ATP8B4: variants seen among roughly 807,000 people sequenced by gnomAD.
The protein encoded by ATP8B4 is probable phospholipid-transporting ATPase IM.
In ATP8B4, 133 loss-of-function variants were observed where a neutral mutation model predicts 145.6. The observed-to-expected ratio is 0.91, with a 90% CI of 0.79 to 1.05. The LOEUF is 1.05. Among genes scored for constraint, ATP8B4 ranks in the 50% least tolerant of loss-of-function variants. The probability of loss-of-function intolerance (pLI) is 0.00; values close to 1 mark genes in which losing one functional copy is unlikely to be tolerated. For missense variants in ATP8B4, 1,458 were observed against 1,425.2 expected, an observed-to-expected ratio of 1.02 and a Z score of -0.37; for synonymous variants, 507 against 492.9, an observed-to-expected ratio of 1.03 and a Z score of -0.38.
At chr15:49,949,476 T>C (rs1350133970) in intron 14 of ATP8B4, among the ~76,000 whole-genome samples, 1 of 152,138 alleles carries the variant, frequency 6.6e-6, no homozygotes, top group African/African-American at 2.4e-5. Context: ...GCTTGCCTAT[T>C]GTTGGTGTAA....
chr15:49,859,590 T>C lies in ATP8B4; in HGVS notation c.*604A>G, dbSNP rs1460257450. On this transcript the variant is annotated 3_prime_UTR_variant, in exon 28 of 28. Transcript: ENST00000284509. ...TCAGTCTCCTTTGTCCCTAGACTGG[T>C]ATAAAAATGAGAAACACAAGCACAC... 1 of 152,308 alleles carries C rather than the reference T, an allele frequency of 6.6e-6. No homozygotes were observed. The highest frequency in any genetic ancestry group is 1.5e-5 in the Non-Finnish European group (1 of 68,134). 9.4% of individuals were successfully genotyped at this position (152,308 alleles called of 1,614,324 possible). A position where few individuals can be genotyped will look rare whatever the true frequency, so the allele number is the denominator to read the frequency against.
At chr15:50,047,897 G>T (rs910150893) in intron 3 of ATP8B4, among the ~76,000 whole-genome samples, 1 of 152,198 alleles carries the variant, frequency 6.6e-6, no homozygotes, top group Non-Finnish European at 1.5e-5. Context: ...TGTCTTAGAA[G>T]ATCTCCTGGG....
At chr15:49,889,928 C>T (rs2036610583) in intron 23 of ATP8B4, among the ~76,000 whole-genome samples, 1 of 152,262 alleles carries the variant, frequency 6.6e-6, no homozygotes, top group South Asian at 2.1e-4. Flanking sequence ...AATATTTAGG[C>T]GCTTATGAAT....
intron 1 of ATP8B4, among the ~76,000 whole-genome samples, chr15:50,165,073 G>GC (rs1214414463): frequency 2.7e-5 from 4 of 150,700 alleles, no homozygotes; most frequent in Admixed American, 2.6e-4. Flanking sequence ...TTGGGGAGAT[G>GC]GAGTCTCGCT....
intron 23 of ATP8B4, among the ~76,000 whole-genome samples, chr15:49,886,347 C>T (rs546781685): frequency 1.7e-4 from 26 of 151,932 alleles, no homozygotes; most frequent in South Asian, 4.2e-4. Flanking sequence ...GTAAATGCCA[C>T]GACAGCACCT....
intron 1 of ATP8B4, among the ~76,000 whole-genome samples, chr15:50,148,318 G>A (rs960657536): frequency 6.6e-6 from 1 of 152,108 alleles, no homozygotes. Context: ...AATATTAAAT[G>A]CAATCTGTAA....
intron 2 of ATP8B4, among the ~76,000 whole-genome samples, chr15:50,078,964 C>T (rs2054365269): frequency 6.6e-6 from 1 of 152,092 alleles, no homozygotes; most frequent in South Asian, 2.1e-4. Flanking sequence ...AGACAACGAC[C>T]ATCTACAAAA....
chr15:50,155,145 A>G (rs1383213863), intron 1 of ATP8B4, among the ~76,000 whole-genome samples: 1 of 152,146 alleles, frequency 6.6e-6, no homozygotes, highest in Middle Eastern at 3.2e-3. Flanking sequence ...TGTCCACCTA[A>G]GTAAGAACCT....
At chr15:50,022,623 T>C (rs1244902839) in intron 6 of ATP8B4, among the ~76,000 whole-genome samples, 1 of 152,082 alleles carries the variant, frequency 6.6e-6, no homozygotes, top group African/African-American at 2.4e-5. Context: ...AGGATTAGAG[T>C]GTAAGCAGGA....
intron 7 of ATP8B4, among the ~76,000 whole-genome samples, chr15:50,004,602 T>C (rs1178810430): frequency 1.3e-5 from 2 of 152,208 alleles, no homozygotes; most frequent in Non-Finnish European, 2.9e-5. Context: ...TTACTATGTG[T>C]CCAGCACCAT....
chr15:49,866,588 A>C (rs1598784184), intron 25 of ATP8B4, 104 bp from the exon 26 acceptor site: 20 of 1,420,898 alleles, frequency 1.4e-5, no homozygotes, highest in Non-Finnish European at 1.7e-5. Context: ...GGAAGTTTGC[A>C]CCTGCCTAGT....
chr15:50,100,887 CTGTCAATTAACTAATTAATG>C (rs899652243), intron 2 of ATP8B4, among the ~76,000 whole-genome samples: 2 of 152,118 alleles, frequency 1.3e-5, no homozygotes, highest in African/African-American at 4.8e-5. Context: ...CATCAAAAAA[CTGTCAATTAACTAATTAATG>C]TGTCAATTAA....
At chr15:50,070,889 C>A (rs138340290) in intron 3 of ATP8B4, among the ~76,000 whole-genome samples, 1 of 152,188 alleles carries the variant, frequency 6.6e-6, no homozygotes, top group Admixed American at 6.5e-5. Flanking sequence ...ACACACGCCC[C>A]GCACCACCAC....
intron 26 of ATP8B4, among the ~76,000 whole-genome samples, chr15:49,863,105 A>G (rs988611091): frequency 6.6e-6 from 1 of 152,244 alleles, no homozygotes; most frequent in Non-Finnish European, 1.5e-5. Context: ...TTGGCTTGTC[A>G]TAAAAGGGGA....
intron 23 of ATP8B4, among the ~76,000 whole-genome samples, chr15:49,886,611 G>A (rs2036218599): frequency 6.6e-6 from 1 of 152,078 alleles, no homozygotes; most frequent in Non-Finnish European, 1.5e-5. Context: ...AAAGAAAAAT[G>A]AGTACCTTGG....
At chr15:49,984,000 G>A (rs185234542) in intron 10 of ATP8B4, among the ~76,000 whole-genome samples, 48 of 152,320 alleles carry the variant, frequency 3.2e-4, no homozygotes, top group Non-Finnish European at 3.4e-4. Context: ...AATCCCCAAT[G>A]AGTAAGTAGC....
chr15:49,914,045 G>A (rs2039494889), intron 20 of ATP8B4, among the ~76,000 whole-genome samples: 1 of 152,038 alleles, frequency 6.6e-6, no homozygotes, highest in Non-Finnish European at 1.5e-5. Flanking sequence ...AAAGAACAAA[G>A]CTGGAGGCAT....
intron 2 of ATP8B4, among the ~76,000 whole-genome samples, chr15:50,094,330 T>G (rs928960535): frequency 6.6e-6 from 1 of 152,102 alleles, no homozygotes; most frequent in Non-Finnish European, 1.5e-5. Context: ...AACTAAAACA[T>G]TGGCTCTTCC....
At chr15:49,997,756 A>G (rs2047547843) in intron 8 of ATP8B4, among the ~76,000 whole-genome samples, 1 of 152,168 alleles carries the variant, frequency 6.6e-6, no homozygotes, top group African/African-American at 2.4e-5. Context: ...ACAATGATGT[A>G]GGACAATATG....
Sources: gnomAD v4.1 joint callset for allele counts (sites outside exome capture counted in the v4.1 genomes callset) on GRCh38, gnomAD v4.1.1 for gene constraint, MANE v1.5 for transcripts, NCBI Gene and HGNC (gene_info 2026-07-23, HGNC 2026-07-21) for gene names.